Variants in HORMAD2 observed in about 807,000 individuals in gnomAD.
HORMAD2 encodes HORMA domain containing 2.
HORMAD2 carries 45 observed loss-of-function variants against 38.8 expected under a neutral mutation model. The observed-to-expected ratio is 1.16, with a 90% CI of 0.91 to 1.49. The LOEUF (loss-of-function observed/expected upper bound fraction) is 1.49. HORMAD2 is among the 40% of genes most tolerant of loss of function. The pLI is 0.00. For synonymous variants in HORMAD2, 126 were observed against 122.8 expected (o/e 1.03, Z -0.17); for missense variants, 338 against 367.0 (o/e 0.92, Z 0.65).
chr22:30,182,998 G>A, the HORMAD2 span, among the ~76,000 whole-genome samples: 8 of 152,122 alleles, frequency 5.3e-5, no homozygotes, highest in African/African-American at 1.9e-4. Context: ...TCTTTCCAGA[G>A]CTATTTTAGG....
At chr22:30,089,693 A>G (rs930255398) in intron 1 of HORMAD2, among the ~76,000 whole-genome samples, 8 of 152,118 alleles carry the variant, frequency 5.3e-5, no homozygotes, top group Non-Finnish European at 1.0e-4. Flanking sequence ...TGAAAACTAG[A>G]TGTATTTTAA....
downstream of HORMAD2, among the ~76,000 whole-genome samples, chr22:30,177,715 CTTTTTTTT>C (rs59806772): frequency 1.1e-5 from 1 of 94,874 alleles, no homozygotes; most frequent in African/African-American, 4.0e-5. Context: ...TAAGGAGGAG[CTTTTTTTT>C]TTTTTTTTTT....
chr22:30,081,740 T>C (rs1182783291), intron 1 of HORMAD2, among the ~76,000 whole-genome samples: 1 of 152,016 alleles, frequency 6.6e-6, no homozygotes, highest in Non-Finnish European at 1.5e-5. Context: ...CACGCCCAGC[T>C]AAATTTTTTT....
At chr22:30,202,592 C>T in the HORMAD2 span, among the ~76,000 whole-genome samples, 1 of 152,136 alleles carries the variant, frequency 6.6e-6, no homozygotes, top group African/African-American at 2.4e-5. Flanking sequence ...TCCTGCTTCC[C>T]ATTACAGCCT....
chr22:30,190,799 TAAAGAGAG>T, the HORMAD2 span, among the ~76,000 whole-genome samples: 9 of 152,318 alleles, frequency 5.9e-5, no homozygotes, highest in African/African-American at 2.2e-4. Flanking sequence ...TGGACACATT[TAAAGAGAG>T]TGAAGCACTG....
At chr22:30,191,399 GA>G in the HORMAD2 span, among the ~76,000 whole-genome samples, 1 of 152,186 alleles carries the variant, frequency 6.6e-6, no homozygotes, top group Non-Finnish European at 1.5e-5. Flanking sequence ...ATGGGAAGAG[GA>G]GGGGGGCTCC....
At chr22:30,201,242 G>A in the HORMAD2 span, among the ~76,000 whole-genome samples, 9 of 152,044 alleles carry the variant, frequency 5.9e-5, no homozygotes, top group African/African-American at 2.2e-4. Context: ...CTTCACAAAG[G>A]TTTCTTCTCC....
chr22:30,105,664 GA>G (rs1182315185), intron 5 of HORMAD2, among the ~76,000 whole-genome samples: 1 of 152,208 alleles, frequency 6.6e-6, no homozygotes, highest in Admixed American at 6.5e-5. Context: ...ACAGAAGTGG[GA>G]AAGAGCTTGT....
chr22:30,105,994 T>C (rs2146097443), intron 5 of HORMAD2, among the ~76,000 whole-genome samples: 1 of 152,304 alleles, frequency 6.6e-6, no homozygotes, highest in East Asian at 1.9e-4. Context: ...CATATTGGGC[T>C]TTACATGTTT....
At chr22:30,102,673 G>A (rs1920958590) in intron 3 of HORMAD2, among the ~76,000 whole-genome samples, 1 of 152,184 alleles carries the variant, frequency 6.6e-6, no homozygotes. Flanking sequence ...TGTCCGGGCT[G>A]GAGTGTGGCG....
In HORMAD2 at chr22:30,166,637, C is replaced by A. The variant is rs1423379014; in HGVS notation, c.820-9426C>A. The stretch of plus-strand genomic sequence containing the variant: ...TAAAGCATTGCAGAGAGGCAAAAGG[C>A]CATAAAATTAATACACATTAATTCC... On this transcript the variant is annotated intron_variant, in intron 10 of 10. Coordinates refer to ENST00000336726, the MANE Select transcript of HORMAD2 (RefSeq NM_152510.4). 7.2e-5 allele frequency among the ~76,000 whole-genome samples: 11 copies of A among 152,012 alleles called. 1 individual carries two copies. The highest frequency in any genetic ancestry group is 2.9e-5 in the Non-Finnish European group (2 of 67,992).
In HORMAD2 at chr22:30,103,649, A is replaced by ATTTTTT. The variant is rs71198524; in HGVS notation, c.257+175_257+180dup. The ATTTTTT allele has an allele frequency of 5.9e-3, 448 of 75,342 alleles. 75 individuals are homozygous for ATTTTTT. The highest frequency in any genetic ancestry group is 0.024 in the African/African-American group (184 of 7,688). 4.7% of individuals were successfully genotyped at this position (75,342 alleles called of 1,614,324 possible). ...CTTTCTTTTTCTTTTTCTGTTTTTG[A>ATTTTTT]TTTTTTTTTTTTTTTTTTTTTTTTT... On this transcript the variant is annotated intron_variant, in intron 4 of 10. Transcript: ENST00000336726.
At chr22:30,147,736 T>C (rs566286618) in intron 10 of HORMAD2, among the ~76,000 whole-genome samples, 2 of 152,272 alleles carry the variant, frequency 1.3e-5, no homozygotes, top group East Asian at 1.9e-4. Context: ...TTAGACTACA[T>C]TTAAAAAAAT....
At chr22:30,196,882 C>T in the HORMAD2 span, among the ~76,000 whole-genome samples, 3 of 152,278 alleles carry the variant, frequency 2.0e-5, no homozygotes, top group Admixed American at 6.5e-5. Flanking sequence ...TTTACTCAGG[C>T]GGATTTTGAA....
intron 10 of HORMAD2, among the ~76,000 whole-genome samples, chr22:30,158,839 C>T (rs1002936278): frequency 1.5e-4 from 23 of 151,830 alleles, no homozygotes; most frequent in African/African-American, 4.3e-4. Flanking sequence ...CGCACGCCAC[C>T]GCTCTTGGCT....
chr22:30,078,549 C>T (rs955036356), upstream of HORMAD2, among the ~76,000 whole-genome samples: 5 of 123,936 alleles, frequency 4.0e-5, no homozygotes, highest in South Asian at 2.7e-4. Flanking sequence ...GAGGTGGCAG[C>T]GAGCCAATAT....
chr22:30,204,962 T>C, the HORMAD2 span, among the ~76,000 whole-genome samples: 367 of 152,284 alleles, frequency 2.4e-3, no homozygotes, highest in African/African-American at 8.2e-3. Flanking sequence ...CCTGAGTTAT[T>C]GCAGCTTCCT....
the HORMAD2 span, among the ~76,000 whole-genome samples, chr22:30,196,512 A>AAAG: frequency 6.6e-6 from 1 of 152,188 alleles, no homozygotes; most frequent in Non-Finnish European, 1.5e-5. Context: ...AGCGTTTGAC[A>AAAG]AAGGAAGTAC....
chr22:30,114,671 A>T (rs190401445), intron 7 of HORMAD2, among the ~76,000 whole-genome samples: 73 of 152,320 alleles, frequency 4.8e-4, no homozygotes, highest in Non-Finnish European at 1.5e-5. Flanking sequence ...TACACTAGAC[A>T]GTTGGATTAA....
Sources: gnomAD v4.1 joint callset for allele counts (sites outside exome capture counted in the v4.1 genomes callset) on GRCh38, gnomAD v4.1.1 for gene constraint, MANE v1.5 for transcripts, NCBI Gene and HGNC (gene_info 2026-07-23, HGNC 2026-07-21) for gene names.